ADAMTSL1: variants seen among roughly 807,000 people sequenced by gnomAD.
ADAMTSL1 encodes ADAMTS like 1.
In ADAMTSL1, 126 loss-of-function variants were observed where a neutral mutation model predicts 201.8. The observed-to-expected ratio is 0.62, with a 90% CI of 0.54 to 0.72. The LOEUF (loss-of-function observed/expected upper bound fraction) is 0.72. Ranked by LOEUF, ADAMTSL1 falls within the 30% of genes least tolerant of loss-of-function variation. The pLI is 0.00. For missense variants in ADAMTSL1, 2,679 were observed against 2,277.8 expected, an observed-to-expected ratio of 1.18 and a Z score of -3.59; for synonymous variants, 1,121 against 903.4, an observed-to-expected ratio of 1.24 and a Z score of -4.32.
intron 1 of ADAMTSL1, among the ~76,000 whole-genome samples, chr9:17,920,251 A>G (rs2131290837): frequency 6.6e-6 from 1 of 152,282 alleles, no homozygotes; most frequent in South Asian, 2.1e-4. Context: ...AATCAGAGTC[A>G]GTTCCTTTGC....
At chr9:17,958,870 T>C (rs1460144009) in intron 1 of ADAMTSL1, among the ~76,000 whole-genome samples, 1 of 152,080 alleles carries the variant, frequency 6.6e-6, no homozygotes, top group African/African-American at 2.4e-5. Flanking sequence ...TTCCCGGCAA[T>C]AGTTGAGAAG....
At chr9:18,590,195 T>C (rs1361961395) in intron 4 of ADAMTSL1, among the ~76,000 whole-genome samples, 1 of 152,116 alleles carries the variant, frequency 6.6e-6, no homozygotes, top group Non-Finnish European at 1.5e-5. Flanking sequence ...ATTTATTACT[T>C]GTTTGATCTC....
At position 18,299,605 on chromosome 9, in the gene ADAMTSL1, C is replaced by T. The variant is rs372730791; in HGVS notation, c.207+135624C>T. 7.9e-5 allele frequency among the ~76,000 whole-genome samples: 12 copies of T among 152,216 alleles called. No individual in the cohort carries two copies. The East Asian group carries it at 2.1e-3, about 27-fold the overall frequency. On this transcript the variant is annotated intron_variant, in intron 2 of 29. Coordinates refer to the ADAMTSL1 transcript ENST00000680146. ...TCTCAGGGGAAGACAAATAATGGGA[C>T]GTGCTCACCAGTTCATGCCTGGAAT...
intron 2 of ADAMTSL1, among the ~76,000 whole-genome samples, chr9:18,207,191 G>T (rs1829686350): frequency 6.6e-6 from 1 of 151,582 alleles, no homozygotes; most frequent in Admixed American, 6.6e-5. Flanking sequence ...AAAAGAAAGT[G>T]GAGTAAATGG....
chr9:18,409,703 C>T (rs1036122715), intron 2 of ADAMTSL1, among the ~76,000 whole-genome samples: 1 of 150,520 alleles, frequency 6.6e-6, no homozygotes, highest in African/African-American at 2.4e-5. Context: ...TCAAACTAGA[C>T]AGCCATAACA....
intron 14 of ADAMTSL1, among the ~76,000 whole-genome samples, chr9:18,711,397 C>G (rs189464637): frequency 1.3e-5 from 2 of 148,870 alleles, no homozygotes; most frequent in Non-Finnish European, 3.0e-5. Flanking sequence ...GCACACCGTG[C>G]GCGAGCCGAA....
intron 8 of ADAMTSL1, 21 bp from the exon 9 acceptor site, chr9:18,661,914 C>T: frequency 1.2e-6 from 2 of 1,606,608 alleles, no homozygotes; most frequent in Non-Finnish European, 1.7e-6. Flanking sequence ...TTAAACTTGC[C>T]TGGATGGTTT....
At chr9:18,817,029 G>C (rs1396817245) in intron 20 of ADAMTSL1, 80 bp from the exon 21 acceptor site, 2 of 1,541,518 alleles carry the variant, frequency 1.3e-6, no homozygotes, top group Non-Finnish European at 1.7e-6. Flanking sequence ...ATGCATTGGT[G>C]GTTAGCCCAT....
At chr9:18,007,868 A>C (rs957986561) in intron 1 of ADAMTSL1, among the ~76,000 whole-genome samples, 1 of 151,996 alleles carries the variant, frequency 6.6e-6, no homozygotes, top group Non-Finnish European at 1.5e-5. Flanking sequence ...AAGCCTGCAA[A>C]ACTTGCTAAT....
chr9:18,155,257 G>A (rs373465528), intron 1 of ADAMTSL1, among the ~76,000 whole-genome samples: 1 of 152,010 alleles, frequency 6.6e-6, no homozygotes, highest in Non-Finnish European at 1.5e-5. Flanking sequence ...TTACTACTCC[G>A]ACTTTGTATG....
intron 1 of ADAMTSL1, among the ~76,000 whole-genome samples, chr9:18,101,501 A>C (rs2131849121): frequency 6.6e-6 from 1 of 151,962 alleles, no homozygotes; most frequent in South Asian, 2.1e-4. Flanking sequence ...CCGTCTCAAA[A>C]AAAAAAAAAA....
At chr9:17,964,484 T>A (rs116422152) in intron 1 of ADAMTSL1, among the ~76,000 whole-genome samples, 1,895 of 152,240 alleles carry the variant, frequency 0.012, 37 homozygotes, top group African/African-American at 0.044. Flanking sequence ...ACGCAAGGAA[T>A]CCCTGCGTGG....
In ADAMTSL1 at chr9:18,332,500, G is replaced by A. The variant is rs536705149; in HGVS notation, c.207+168519G>A. Reference sequence around the variant, plus strand: ...AAATCCTGCTCTCTCACTCAGGCTGGAATATAGTGTTACAATCATAGCCCC... The same window carrying A: ...AAATCCTGCTCTCTCACTCAGGCTGAAATATAGTGTTACAATCATAGCCCC... On this transcript the variant is annotated intron_variant, in intron 2 of 29. Coordinates refer to the ADAMTSL1 transcript ENST00000680146. 2.6e-5 allele frequency among the ~76,000 whole-genome samples: 4 copies of A among 152,134 alleles called. No homozygotes were observed. In the East Asian group the frequency reaches 7.7e-4, roughly 29 times the overall value.
intron 16 of ADAMTSL1, among the ~76,000 whole-genome samples, chr9:18,767,015 G>C (rs1363022813): frequency 7.2e-5 from 11 of 152,270 alleles, no homozygotes; most frequent in Non-Finnish European, 1.6e-4. Flanking sequence ...TTGGATGTCA[G>C]GGGAAGGGTG....
At chr9:18,536,261 TA>T (rs903358853) in intron 3 of ADAMTSL1, among the ~76,000 whole-genome samples, 2 of 152,138 alleles carry the variant, frequency 1.3e-5, no homozygotes, top group African/African-American at 4.8e-5. Context: ...GAGAGTCTCT[TA>T]GCTAAATCTC....
At chr9:18,331,517 A>G (rs183955046) in intron 2 of ADAMTSL1, among the ~76,000 whole-genome samples, 31 of 152,310 alleles carry the variant, frequency 2.0e-4, no homozygotes, top group Admixed American at 1.8e-3. Flanking sequence ...CTGTTATAAT[A>G]CAGTGCACAT....
At chr9:18,513,262 T>A (rs1564008934) in intron 2 of ADAMTSL1, among the ~76,000 whole-genome samples, 1 of 151,822 alleles carries the variant, frequency 6.6e-6, no homozygotes, top group Admixed American at 6.6e-5. Flanking sequence ...AATTTAGCCA[T>A]CTTGCATCAC....
At chr9:18,459,579 C>T (rs1158319595) in intron 2 of ADAMTSL1, among the ~76,000 whole-genome samples, 1 of 152,058 alleles carries the variant, frequency 6.6e-6, no homozygotes, top group Non-Finnish European at 1.5e-5. Context: ...CAAAAGAGCC[C>T]CATCATGACT....
intron 1 of ADAMTSL1, among the ~76,000 whole-genome samples, chr9:18,028,922 C>T (rs984184046): frequency 6.6e-5 from 10 of 152,078 alleles, no homozygotes; most frequent in African/African-American, 1.4e-4. Context: ...TTGTTTGTGT[C>T]GTCTTTGATT....
Sources: gnomAD v4.1 joint callset for allele counts (sites outside exome capture counted in the v4.1 genomes callset) on GRCh38, gnomAD v4.1.1 for gene constraint, MANE v1.5 for transcripts, NCBI Gene and HGNC (gene_info 2026-07-23, HGNC 2026-07-21) for gene names.